TPO: variants seen among roughly 807,000 people sequenced by gnomAD.
The protein encoded by TPO is thyroid microsomal antigen.
In TPO, 78 loss-of-function variants were observed where a neutral mutation model predicts 96.9. That is an observed-to-expected ratio of 0.81 (90% confidence interval 0.67 to 0.97). The LOEUF (loss-of-function observed/expected upper bound fraction) is 0.97. TPO is among the 50% of genes least tolerant of loss of function. The probability of loss-of-function intolerance (pLI) is 0.00; values close to 1 mark genes in which losing one functional copy is unlikely to be tolerated. For synonymous variants in TPO, 547 were observed against 538.0 expected (o/e 1.02, Z -0.23); for missense variants, 1,252 against 1,274.8 (o/e 0.98, Z 0.27).
chr2:1,405,579 C>T (rs982918675), intron 1 of TPO, among the ~76,000 whole-genome samples: 5 of 152,170 alleles, frequency 3.3e-5, no homozygotes, highest in African/African-American at 2.4e-5. Flanking sequence ...TTTCTTTCCA[C>T]CGACCTTTTA....
At chr2:1,413,857 A>G in intron 1 of TPO, 1 of 489,318 alleles carries the variant, frequency 2.0e-6, no homozygotes, top group Non-Finnish European at 2.7e-6. Flanking sequence ...AGAGAAGAAA[A>G]CAAGGATTTG....
At chr2:1,460,638 G>A (rs1010285454) in intron 7 of TPO, among the ~76,000 whole-genome samples, 12 of 152,206 alleles carry the variant, frequency 7.9e-5, no homozygotes, top group Admixed American at 1.3e-4. Context: ...AAATGAGATC[G>A]AATTTGCAAA....
intron 3 of TPO, among the ~76,000 whole-genome samples, chr2:1,430,032 A>G (rs1664819959): frequency 1.3e-5 from 2 of 152,348 alleles, no homozygotes; most frequent in South Asian, 2.1e-4. Flanking sequence ...TAGCATGACT[A>G]AAAGGGAGCC....
chr2:1,489,205 C>T (rs1022467917), intron 10 of TPO, among the ~76,000 whole-genome samples: 2 of 149,160 alleles, frequency 1.3e-5, no homozygotes, highest in Non-Finnish European at 3.0e-5. Context: ...ACATGCCCAG[C>T]ACATGCCCAG....
chr2:1,465,381 G>A (rs1180266641), intron 7 of TPO, among the ~76,000 whole-genome samples: 2 of 152,144 alleles, frequency 1.3e-5, no homozygotes, highest in African/African-American at 4.8e-5. Context: ...TGGCTATGCA[G>A]GCTCTTTTTT....
intron 1 of TPO, among the ~76,000 whole-genome samples, chr2:1,394,080 G>C (rs539995919): frequency 5.8e-4 from 89 of 152,278 alleles, no homozygotes; most frequent in Middle Eastern, 6.8e-3. Context: ...GTTTTACCTA[G>C]AAATCATTGA....
At chr2:1,424,547 A>G (rs1443310044) in intron 3 of TPO, among the ~76,000 whole-genome samples, 2 of 152,148 alleles carry the variant, frequency 1.3e-5, no homozygotes, top group African/African-American at 2.4e-5. Flanking sequence ...TGTTAACAGA[A>G]CCCTTTTGAA....
chr2:1,535,044 GTGTGCAACCTCCCCAAATCTCCCCCACTC>G (rs1679255048), intron 15 of TPO, among the ~76,000 whole-genome samples: 1 of 64,166 alleles, frequency 1.6e-5, no homozygotes, highest in Non-Finnish European at 2.8e-5. Flanking sequence ...CCCCCCCACT[GTGTGCAACCTCCCCAAATCTCCCCCACTC>G]TGTGCACCTT....
At chr2:1,540,512 C>T in intron 15 of TPO, 82 bp from the exon 16 acceptor site, 1 of 1,600,796 alleles carries the variant, frequency 6.2e-7, no homozygotes, top group Non-Finnish European at 8.5e-7. Context: ...GGCTGCCTTG[C>T]CGTCGCTCGT....
chr2:1,475,550 A>C (rs189521371), intron 7 of TPO, among the ~76,000 whole-genome samples: 1 of 151,804 alleles, frequency 6.6e-6, no homozygotes, highest in Non-Finnish European at 1.5e-5. Flanking sequence ...CAGCCTCCCG[A>C]GTAGCTGGGA....
At chr2:1,453,557 T>G in intron 5 of TPO, 137 bp from the exon 6 acceptor site, 1 of 1,398,942 alleles carries the variant, frequency 7.1e-7, no homozygotes, top group South Asian at 1.2e-5. Flanking sequence ...CTTTCGGGTC[T>G]TCTGGGGAGC....
chr2:1,532,961 C>CA (rs1678663015), intron 15 of TPO, among the ~76,000 whole-genome samples: 1 of 119,658 alleles, frequency 8.4e-6, no homozygotes, highest in Non-Finnish European at 1.7e-5. Context: ...CAAATCCCCC[C>CA]ACTGTGTCCA....
chr2:1,458,197 CAT>C (rs1296125313), intron 7 of TPO, among the ~76,000 whole-genome samples: 1 of 150,392 alleles, frequency 6.6e-6, no homozygotes, highest in Non-Finnish European at 1.5e-5. Context: ...TGTGTGGGCA[CAT>C]ATGTATATGG....
chr2:1,478,450 C>A, intron 8 of TPO: 1 of 965,412 alleles, frequency 1.0e-6, no homozygotes. Flanking sequence ...GGAGCCTTGT[C>A]CGAGGAGGCA....
At chr2:1,424,756 A>T (rs1664147165) in intron 3 of TPO, among the ~76,000 whole-genome samples, 2 of 152,238 alleles carry the variant, frequency 1.3e-5, no homozygotes, top group Admixed American at 1.3e-4. Flanking sequence ...ATGCCGGGAT[A>T]CAGAGATGAG....
rs117399434 is a variant in TPO, at chr2:1,389,175, C to T, written n.180+14773C>T. ...TCAGGTCGGGTCTTCCTAGGGGAGACTGTGCTGGGATGAGGAGACAGTGGT... is the reference window on the plus strand; with the variant it reads ...TCAGGTCGGGTCTTCCTAGGGGAGATTGTGCTGGGATGAGGAGACAGTGGT... On this transcript the variant is annotated intron_variant and non_coding_transcript_variant, in intron 1 of 5. Transcript: ENST00000497517. 1.1e-4 allele frequency among the ~76,000 whole-genome samples: 16 copies of T among 152,212 alleles called. No individual in the cohort carries two copies. In the East Asian group the frequency reaches 1.7e-3, roughly 17 times the overall value.
chr2:1,377,277 A>G (rs1415942624), intron 1 of TPO, among the ~76,000 whole-genome samples: 3 of 152,208 alleles, frequency 2.0e-5, no homozygotes, highest in Admixed American at 6.5e-5. Context: ...AGTCGTATGC[A>G]TTGGAATACG....
chr2:1,402,028 G>C (rs1294319749), intron 1 of TPO, among the ~76,000 whole-genome samples: 1 of 152,198 alleles, frequency 6.6e-6, no homozygotes, highest in Admixed American at 6.5e-5. Context: ...CCCAAATGCT[G>C]CTTCCTGGCT....
chr2:1,436,516 G>T lies in TPO; in HGVS notation c.482+132G>T, dbSNP rs1054000456. 2.8e-6 allele frequency: 4 copies of T among 1,421,226 alleles called. No individual in the cohort carries two copies. In the African/African-American group the frequency reaches 5.6e-5, roughly 20 times the overall value. 88.0% of individuals were successfully genotyped at this position (1,421,226 alleles called of 1,614,324 possible). ...CCTGAGCCCCTGGTTCCTGTCCTTG[G>T]CCTCCCCGACATGGCCTCCTGCATG... On this transcript the variant is annotated intron_variant, in intron 5 of 16. Coordinates refer to ENST00000329066, the MANE Select transcript of TPO (RefSeq NM_001206744.2).
Sources: gnomAD v4.1 joint callset for allele counts (sites outside exome capture counted in the v4.1 genomes callset) on GRCh38, gnomAD v4.1.1 for gene constraint, MANE v1.5 for transcripts, NCBI Gene and HGNC (gene_info 2026-07-23, HGNC 2026-07-21) for gene names.